TAF1: variants seen among roughly 807,000 people sequenced by gnomAD.
TAF1 encodes transcription initiation factor TFIID subunit 1.
Under a neutral mutation model 138.5 loss-of-function variants are expected in TAF1, and 2 were observed. The observed-to-expected ratio is 0.01, with a 90% confidence interval of 0.01 to 0.05. The LOEUF is 0.05. Among genes scored for constraint, TAF1 ranks in the 10% least tolerant of loss-of-function variants. TAF1 has a pLI of 1.00. For missense variants in TAF1, 709 were observed against 1,478.0 expected (o/e 0.48, Z 8.53); for synonymous variants, 437 against 503.2 (o/e 0.87, Z 1.76).
intron 12 of TAF1, 131 bp downstream of exon 12, chrX:71,383,295 AT>A: frequency 1.3e-6 from 1 of 771,515 alleles, no homozygotes; most frequent in Non-Finnish European, 1.8e-6. Flanking sequence ...TATTTTGGTT[AT>A]TTAGGAGAAT....
At chrX:71,391,500 A>G (rs778333634) in intron 18 of TAF1, among the ~76,000 whole-genome samples, 1 of 111,322 alleles carries the variant, frequency 9.0e-6, no homozygotes, top group East Asian at 2.8e-4. Context: ...CCTGGCCAAC[A>G]TAGTGAGACC....
chrX:71,425,909 T>C (rs1163857551), intron 32 of TAF1, among the ~76,000 whole-genome samples: 1 of 111,193 alleles, frequency 9.0e-6, no homozygotes, highest in Non-Finnish European at 1.9e-5. Flanking sequence ...AGAAAAATTA[T>C]AGTACTTAAA....
intron 13 of TAF1, among the ~76,000 whole-genome samples, chrX:71,490,173 C>T (rs1164789775): frequency 1.8e-5 from 2 of 112,280 alleles, no homozygotes; most frequent in Admixed American, 1.9e-4. Flanking sequence ...CTTGCCCTGC[C>T]ACCTCTGTCT....
At chrX:71,428,833 G>C (rs1381961788) in intron 32 of TAF1, among the ~76,000 whole-genome samples, 1 of 112,022 alleles carries the variant, frequency 8.9e-6, no homozygotes, top group Non-Finnish European at 1.9e-5. Context: ...TTTTATCTCA[G>C]TCATGCTTTT....
chrX:71,393,097 G>T, intron 20 of TAF1, 103 bp downstream of exon 20: 1 of 1,092,525 alleles, frequency 9.2e-7, no homozygotes, highest in South Asian at 2.1e-5. Context: ...CTTTATTGTA[G>T]GGTATAGTAA....
intron 13 of TAF1, among the ~76,000 whole-genome samples, chrX:71,489,553 G>A (rs1271855914): frequency 1.8e-5 from 2 of 110,337 alleles, no homozygotes; most frequent in Non-Finnish European, 3.8e-5. Flanking sequence ...GCACATGCCT[G>A]TAATCCCAGC....
In TAF1 at chrX:71,375,167, A is replaced by T; in HGVS notation, c.353A>T (p.Asp118Val). The T allele has an allele frequency of 1.7e-6, 2 of 1,209,087 alleles. No homozygotes were observed. Among genetic ancestry groups the T allele is most frequent in the South Asian group, 3.5e-5 (2 of 56,593 alleles). Residue 118 changes from aspartate (D) to valine (V), a missense_variant and splice_region_variant, in exon 4 of 38, where the codon GAT (aspartate) becomes GTT (valine). Asp to Val is a radical substitution (Grantham distance 152, BLOSUM62 -3). Around this residue, in one of 14 missense-constraint regions of TAF1, gnomAD observed 123 missense variants for 161.6 expected, o/e 0.76. Coordinates refer to ENST00000423759, the MANE Select transcript of TAF1 (RefSeq NM_004606.5). Reference protein sequence around the residue: ...MGSLQPLCHSDYDEDDYDADC... With the variant: ...MGSLQPLCHSVYDEDDYDADC... Reference sequence around the variant, plus strand: ...GAGATCACCTTCTTGGTTTTATTAGATTATGATGAAGATGACTATGATGCT... The same window carrying T: ...GAGATCACCTTCTTGGTTTTATTAGTTTATGATGAAGATGACTATGATGCT...
At chrX:71,453,387 C>G (rs1315513864) in intron 32 of TAF1, among the ~76,000 whole-genome samples, 1 of 59,953 alleles carries the variant, frequency 1.7e-5, no homozygotes, top group Non-Finnish European at 3.2e-5. Context: ...AGTGAGACCC[C>G]CCCCCCACCC....
intron 32 of TAF1, among the ~76,000 whole-genome samples, chrX:71,443,187 A>T (rs1459559048): frequency 8.9e-6 from 1 of 111,740 alleles, no homozygotes; most frequent in Non-Finnish European, 1.9e-5. Context: ...GTTTTTTCCA[A>T]TTCTGTGAAG....
At chrX:71,376,700 G>A (rs1410775732) in intron 4 of TAF1, among the ~76,000 whole-genome samples, 1 of 110,053 alleles carries the variant, frequency 9.1e-6, no homozygotes, top group Admixed American at 9.7e-5. Context: ...TCGGAAAGTA[G>A]TAAATGTAGT....
intron 28 of TAF1, 107 bp downstream of exon 28, chrX:71,408,258 T>A: frequency 1.1e-6 from 1 of 902,595 alleles, no homozygotes; most frequent in Admixed American, 3.5e-5. Flanking sequence ...AGTGTATTTG[T>A]GCATTCATTT....
At position 71,420,070 on chromosome X, in the gene TAF1, C is replaced by T. The variant is rs1297691347; in HGVS notation, c.4385-1239C>T. The T allele has an allele frequency of 4.2e-5, 15 of 356,966 alleles. No individual in the cohort carries two copies. The Admixed American group carries it at 5.0e-4, about 12-fold the overall frequency. 29.4% of individuals were successfully genotyped at this position (356,966 alleles called of 1,213,427 possible). A position where few individuals can be genotyped will look rare whatever the true frequency, so the allele number is the denominator to read the frequency against. Reference sequence around the variant, plus strand: ...CTCTTTTTTTCTTCTCTTTCCTCCTCATACTTTTTTTAGTAAGGGGAGTAC... The same window carrying T: ...CTCTTTTTTTCTTCTCTTTCCTCCTTATACTTTTTTTAGTAAGGGGAGTAC... On this transcript the variant is annotated intron_variant, in intron 28 of 37. Coordinates refer to ENST00000423759, the MANE Select transcript of TAF1 (RefSeq NM_004606.5).
chrX:71,481,779 G>A (rs756802040), intron 13 of TAF1, among the ~76,000 whole-genome samples: 9 of 111,236 alleles, frequency 8.1e-5, no homozygotes, highest in Admixed American at 9.6e-5. Context: ...GGATGGTCTC[G>A]ATCTCCTGAC....
In TAF1 at chrX:71,399,495, A is replaced by G. The variant is rs747662038; in HGVS notation, c.3786+758A>G. Among the ~76,000 whole-genome samples, 100 of 103,781 alleles carry G rather than the reference A, an allele frequency of 9.6e-4. 2 individuals are homozygous for G. The highest frequency in any genetic ancestry group is 3.5e-3 in the African/African-American group (99 of 28,220). 90.1% of individuals were successfully genotyped at this position (103,781 alleles called of 115,157 possible). On this transcript the variant is annotated intron_variant, in intron 24 of 37. Coordinates refer to ENST00000423759, the MANE Select transcript of TAF1 (RefSeq NM_004606.5). ...CTGGTCTCGAACTCCTGACCTGGTG[A>G]TCTACCAGCCTCCACCTCCCAAAGT...
chrX:71,403,013 T>A (rs912780154), intron 25 of TAF1, among the ~76,000 whole-genome samples: 1 of 110,652 alleles, frequency 9.0e-6, no homozygotes, highest in African/African-American at 3.3e-5. Context: ...CCCTACCTTT[T>A]ATGTTTTCCT....
chrX:71,508,730 CAG>C (rs1252465612), intron 13 of TAF1, among the ~76,000 whole-genome samples: 3 of 103,206 alleles, frequency 2.9e-5, no homozygotes, highest in Non-Finnish European at 5.8e-5. Context: ...TATGGAGAGA[CAG>C]AGTGAGTGTG....
intron 32 of TAF1, among the ~76,000 whole-genome samples, chrX:71,426,454 G>A (rs1037478696): frequency 5.4e-5 from 6 of 111,790 alleles, no homozygotes; most frequent in Admixed American, 1.9e-4. Flanking sequence ...GGTGGCTCAC[G>A]CCTGTAATCC....
At chrX:71,504,741 C>CA (rs41370846) in intron 13 of TAF1, among the ~76,000 whole-genome samples, 429 of 5,699 alleles carry the variant, frequency 0.075, 133 homozygotes, top group Non-Finnish European at 0.12. Context: ...GACCCTGTCT[C>CA]AAAAAAAAAA....
At chrX:71,439,015 T>C (rs1395397677) in intron 32 of TAF1, among the ~76,000 whole-genome samples, 3 of 111,700 alleles carry the variant, frequency 2.7e-5, no homozygotes, top group Admixed American at 9.6e-5. Flanking sequence ...CTATTCCTTT[T>C]TAATCTCCTT....
Sources: allele counts gnomAD v4.1 joint callset (sites outside exome capture counted in the v4.1 genomes callset), GRCh38; gene constraint gnomAD v4.1.1; regional missense constraint gnomAD v4.1.1; transcripts MANE v1.5; gene names NCBI Gene and HGNC (gene_info 2026-07-23, HGNC 2026-07-21).